The following ZNF441 variants were observed in gnomAD, a reference collection of about 807,000 sequenced individuals.
ZNF441 encodes zinc finger protein 441.
Under a neutral mutation model 64.5 loss-of-function variants are expected in ZNF441, and 25 were observed. The observed-to-expected ratio is 0.39, with a 90% CI of 0.28 to 0.54. The LOEUF (loss-of-function observed/expected upper bound fraction) is 0.54, where lower values mean the gene tolerates loss of function less well. Ranked by LOEUF, ZNF441 falls within the 20% of genes least tolerant of loss-of-function variation. ZNF441 has a pLI of 0.70. For synonymous variants in ZNF441, 262 were observed against 268.0 expected (o/e 0.98, Z 0.22); for missense variants, 715 against 843.3 (o/e 0.85, Z 1.88).
chr19:11,774,294 A>G (rs1975338046), intron 1 of ZNF441, among the ~76,000 whole-genome samples: 1 of 152,174 alleles, frequency 6.6e-6, no homozygotes, highest in African/African-American at 2.4e-5. Context: ...AGATAGGTAT[A>G]AGAAAACTAA....
chr19:11,777,520 C>G, intron 1 of ZNF441, 91 bp from the exon 2 acceptor site: 4 of 1,437,544 alleles, frequency 2.8e-6, no homozygotes, highest in Non-Finnish European at 3.8e-6. Context: ...TGCTTGGAAA[C>G]CACAGCATCA....
At position 11,783,571 on chromosome 19, in the gene ZNF441, A is replaced by C. The variant is rs1975421180; in HGVS notation, c.*1665A>C. ...GGATAAAGAAAATGTTTATGTACAC[A>C]GTGGAATACTATTTGGCCATAAAAA... On this transcript the variant is annotated 3_prime_UTR_variant, in exon 4 of 4. Coordinates refer to ENST00000357901, the MANE Select transcript of ZNF441 (RefSeq NM_152355.3). 1 of 152,242 alleles carries C rather than the reference A, an allele frequency of 6.6e-6. No homozygotes were observed. Among genetic ancestry groups the C allele is most frequent in the Non-Finnish European group, 1.5e-5 (1 of 68,032 alleles). The allele number at this position is 152,242 out of a possible 1,614,324, so 9.4% of individuals were successfully genotyped here.
Position 11,778,654 on chromosome 19 carries a change from G to T in ZNF441, c.194+261G>T, listed in dbSNP as rs1056964258. Reference sequence around the variant, plus strand: ...TTAGTTTTTGTAGAGATAGAGTCTTGCTGTGTTTGACCAGACTCATCTCCA... The same window carrying T: ...TTAGTTTTTGTAGAGATAGAGTCTTTCTGTGTTTGACCAGACTCATCTCCA... On this transcript the variant is annotated intron_variant, in intron 3 of 3. Transcript: ENST00000357901. Among the ~76,000 whole-genome samples, 3 of 152,114 alleles carry T rather than the reference G, an allele frequency of 2.0e-5. No individual in the cohort carries two copies. In the South Asian group the frequency reaches 6.2e-4, roughly 32 times the overall value.
At chr19:11,773,626 ATGATCTGTG>A (rs1224933793) in intron 1 of ZNF441, among the ~76,000 whole-genome samples, 1 of 152,216 alleles carries the variant, frequency 6.6e-6, no homozygotes, top group East Asian at 1.9e-4. Context: ...ATGTATTTTC[ATGATCTGTG>A]TTTATGGGCA....
chr19:11,781,401 C>T lies in ZNF441; in HGVS notation c.1577C>T (p.Thr526Ile). 1.2e-6 allele frequency: 2 copies of T among 1,614,028 alleles called. No homozygotes were observed. Among genetic ancestry groups the T allele is most frequent in the South Asian group, 2.2e-5 (2 of 91,074 alleles). The change falls in exon 4 of 4, where the codon ACT becomes ATT. Residue 526 changes from threonine (T) to isoleucine (I), a missense_variant. Physicochemically the swap from Thr to Ile is moderately conservative, Grantham distance 89. Around this residue, in one of 2 missense-constraint regions of ZNF441, gnomAD observed 316 missense variants for 429.3 expected, o/e 0.74. Transcript: ENST00000357901. ...SSFRRHERIH[T>I]GERPYKCKLC... ...TTTCGAAGACATGAAAGAATTCACA[C>T]TGGGGAGAGACCCTATAAGTGTAAA...
At chr19:11,779,105 G>T (rs1284613458) in intron 3 of ZNF441, among the ~76,000 whole-genome samples, 3 of 152,140 alleles carry the variant, frequency 2.0e-5, no homozygotes, top group Non-Finnish European at 4.4e-5. Context: ...AAGACTGCTT[G>T]AGCCCAGGTG....
chr19:11,769,677 T>G (rs1029970142), intron 1 of ZNF441, among the ~76,000 whole-genome samples: 3 of 152,060 alleles, frequency 2.0e-5, no homozygotes, highest in Non-Finnish European at 2.9e-5. Context: ...CTCTTTTTTT[T>G]TTTATTTTTT....
rs529974041 is a variant in ZNF441 at position 11,775,495 on chromosome 19, A to C, written c.4-2116A>C. On this transcript the variant is annotated intron_variant, in intron 1 of 3. Coordinates refer to ENST00000357901, the MANE Select transcript of ZNF441 (RefSeq NM_152355.3). ...CAGGTGCCCACCACCACGCCCGGCT[A>C]ATTTTTTGTATTTTTAGTAGAGACG... is the stretch of plus-strand genomic sequence containing the variant. Among the ~76,000 whole-genome samples the C allele has an allele frequency of 1.5e-4, 22 of 151,678 alleles. No individual in the cohort carries two copies. The East Asian group carries it at 4.3e-3, about 30-fold the overall frequency.
intron 1 of ZNF441, among the ~76,000 whole-genome samples, chr19:11,775,368 C>T (rs1045753694): frequency 2.1e-4 from 32 of 152,246 alleles, no homozygotes; most frequent in Admixed American, 1.1e-3. Context: ...CTCGCGCTGT[C>T]GCCCAGGCTG....
chr19:11,772,953 G>A (rs774288092), intron 1 of ZNF441, among the ~76,000 whole-genome samples: 3 of 152,054 alleles, frequency 2.0e-5, no homozygotes, highest in Non-Finnish European at 2.9e-5. Context: ...CACCACGCCC[G>A]ACTAATTTTT....
Position 11,780,484 on chromosome 19 carries a change from A to C in ZNF441, c.660A>C (p.Glu220Asp). ...LFHMLRRTHT[E>D]EKPYEYEQCS... The stretch of plus-strand genomic sequence containing the variant: ...ATATGCTTAGAAGAACTCACACTGA[A>C]GAGAAACCATATGAATATGAGCAGT... The change falls in exon 4 of 4, where the codon GAA (glutamate) becomes GAC (aspartate). Residue 220 changes from glutamate to aspartate, a missense_variant. Physicochemically the swap from Glu to Asp is conservative, Grantham distance 45. Coordinates refer to ENST00000357901, the MANE Select transcript of ZNF441 (RefSeq NM_152355.3). 6.2e-7 allele frequency: 1 copy of C among 1,614,174 alleles called. No homozygotes were observed. Among genetic ancestry groups the C allele is most frequent in the South Asian group, 1.1e-5 (1 of 91,080 alleles).
In ZNF441 at chr19:11,767,035, G is replaced by C. The variant is rs976549533; in HGVS notation, c.-159G>C. 2 of 1,112,242 alleles carry C rather than the reference G, an allele frequency of 1.8e-6. No homozygotes were observed. Among genetic ancestry groups the C allele is most frequent in the African/African-American group, 3.2e-5 (2 of 63,472 alleles). 68.9% of individuals were successfully genotyped at this position (1,112,242 alleles called of 1,614,324 possible). A position where few individuals can be genotyped will look rare whatever the true frequency, so the allele number is the denominator to read the frequency against. ...CGCACTGACCGGAGGAGGGTGCAAG[G>C]TTCAAAGAGCCCGCCGAGTCTTCTC... On this transcript the variant is annotated 5_prime_UTR_variant, in exon 1 of 4. Coordinates refer to ENST00000357901, the MANE Select transcript of ZNF441 (RefSeq NM_152355.3). This position sits in a 1 kb window ranked among gnomAD's most constrained non-coding sequence, Gnocchi z 5.1.
At chr19:11,773,617 T>G (rs1975332755) in intron 1 of ZNF441, among the ~76,000 whole-genome samples, 1 of 152,234 alleles carries the variant, frequency 6.6e-6, no homozygotes, top group African/African-American at 2.4e-5. Flanking sequence ...TTTTGCCTTA[T>G]GTATTTTCAT....
intron 1 of ZNF441, among the ~76,000 whole-genome samples, chr19:11,776,686 T>C (rs1418687794): frequency 1.3e-5 from 2 of 152,262 alleles, no homozygotes; most frequent in Admixed American, 1.3e-4. Context: ...TAACTACATA[T>C]GTTCTACAGT....
At position 11,783,069 on chromosome 19, in the gene ZNF441, T is replaced by C. The variant is rs1975416552; in HGVS notation, c.*1163T>C. Reference sequence around the variant, plus strand: ...ATGCGACAAGGGACTAATATCCAAATATACAAGGAACTCAAACATCTCAAC... The same window carrying C: ...ATGCGACAAGGGACTAATATCCAAACATACAAGGAACTCAAACATCTCAAC... On this transcript the variant is annotated 3_prime_UTR_variant, in exon 4 of 4. Transcript: ENST00000357901. 1 of 152,068 alleles carries C rather than the reference T, an allele frequency of 6.6e-6. No individual in the cohort carries two copies. Among genetic ancestry groups the C allele is most frequent in the Non-Finnish European group, 1.5e-5 (1 of 68,000 alleles). The allele number at this position is 152,068 out of a possible 1,614,324, so 9.4% of individuals were successfully genotyped here.
intron 1 of ZNF441, among the ~76,000 whole-genome samples, chr19:11,769,975 G>A (rs1568479348): frequency 6.6e-6 from 1 of 152,020 alleles, no homozygotes. Flanking sequence ...TGCCCAGCCT[G>A]GGCCTCTTTC....
At position 11,775,990 on chromosome 19, in the gene ZNF441, C is replaced by T. The variant is rs573473930; in HGVS notation, c.4-1621C>T. Among the ~76,000 whole-genome samples, 24 of 152,244 alleles carry T rather than the reference C, an allele frequency of 1.6e-4. 1 individual carries two copies. The highest frequency in any genetic ancestry group is 5.5e-4 in the African/African-American group (23 of 41,524). On this transcript the variant is annotated intron_variant, in intron 1 of 3. Coordinates refer to ENST00000357901, the MANE Select transcript of ZNF441 (RefSeq NM_152355.3). The stretch of plus-strand genomic sequence containing the variant: ...TTTTTATTCCCAGGACTTAGATGTT[C>T]TACCATATGTCTTAATCATAATTTG...
intron 2 of ZNF441, chr19:11,778,097 T>C (rs1212713120): frequency 6.4e-6 from 3 of 471,624 alleles, no homozygotes; most frequent in Admixed American, 4.0e-5. Context: ...TTCATTCTGA[T>C]TGTCTTTACA....
At position 11,767,201 on chromosome 19, in the gene ZNF441, G is replaced by A. The variant is rs1392152613; in HGVS notation, c.3+5G>A. The A allele has an allele frequency of 6.4e-7, 1 of 1,559,952 alleles. No homozygotes were observed. Among genetic ancestry groups the A allele is most frequent in the Non-Finnish European group, 8.7e-7 (1 of 1,151,914 alleles). ...GACGCCGGAAGCCGGGAAATGGTGA[G>A]TGTGTGAGGTCTGGTGTCCCGACGC... On this transcript the variant is annotated splice_donor_5th_base_variant and intron_variant, in intron 1 of 3. Coordinates refer to ENST00000357901, the MANE Select transcript of ZNF441 (RefSeq NM_152355.3). This position sits in a 1 kb window ranked among gnomAD's most constrained non-coding sequence, Gnocchi z 5.1.
Sources: gnomAD v4.1 joint callset for allele counts (sites outside exome capture counted in the v4.1 genomes callset) on GRCh38, gnomAD v4.1.1 for gene constraint, gnomAD v4.1.1 regional missense constraint, Gnocchi (gnomAD v3.1) non-coding constraint, MANE v1.5 for transcripts, NCBI Gene and HGNC (gene_info 2026-07-23, HGNC 2026-07-21) for gene names.